MTOR: variants seen among roughly 807,000 people sequenced by gnomAD.
MTOR encodes mechanistic target of rapamycin kinase.
Under a neutral mutation model 319.8 loss-of-function variants are expected in MTOR, and 70 were observed. The ratio of observed to expected loss-of-function variants is 0.22; its 90% CI spans 0.18 to 0.27. The LOEUF (loss-of-function observed/expected upper bound fraction) is 0.27, where lower values mean the gene tolerates loss of function less well. Among genes scored for constraint, MTOR ranks in the 10% least tolerant of loss-of-function variants. The pLI, the probability that MTOR is intolerant of heterozygous loss-of-function variation, is 1.00. For synonymous variants in MTOR, 1,183 were observed against 1,211.4 expected, an observed-to-expected ratio of 0.98 and a Z score of 0.49; for missense variants, 1,890 against 3,274.4, an observed-to-expected ratio of 0.58 and a Z score of 10.32.
intron 28 of MTOR, among the ~76,000 whole-genome samples, chr1:11,177,375 T>A (rs192170956): frequency 5.3e-5 from 8 of 151,814 alleles, no homozygotes; most frequent in Non-Finnish European, 1.0e-4. Context: ...CTGAGCAACA[T>A]AGCAAGACTT....
intron 18 of MTOR, among the ~76,000 whole-genome samples, chr1:11,230,096 G>A (rs1646967900): frequency 6.7e-6 from 1 of 148,858 alleles, no homozygotes; most frequent in Non-Finnish European, 1.5e-5. Context: ...CCCTCCCTGA[G>A]TCAATTAAAA....
intron 29 of MTOR, among the ~76,000 whole-genome samples, chr1:11,161,734 G>C (rs1186165162): frequency 6.6e-6 from 1 of 152,216 alleles, no homozygotes; most frequent in Non-Finnish European, 1.5e-5. Flanking sequence ...CTGACTGTTA[G>C]AAGTAAAACT....
intron 19 of MTOR, among the ~76,000 whole-genome samples, chr1:11,225,958 T>C (rs188269025): frequency 1.0e-3 from 159 of 152,218 alleles, no homozygotes; most frequent in Non-Finnish European, 1.9e-3. Flanking sequence ...TTTGAGCCCA[T>C]AGTTAAGAAA....
At chr1:11,107,704 G>A (rs1249678533) in intron 57 of MTOR, among the ~76,000 whole-genome samples, 6 of 151,982 alleles carry the variant, frequency 3.9e-5, no homozygotes, top group Non-Finnish European at 8.8e-5. Flanking sequence ...CTTCCCCAGC[G>A]CCCGCTCTCT....
In MTOR at chr1:11,160,484, A is replaced by G. The variant is rs540155286; in HGVS notation, c.4330-3193T>C. ...TTAACTGTGGCCTAGACACAATGCA[A>G]GCTCCCACAAAGATAACTCAGATCA... On this transcript the variant is annotated intron_variant, in intron 29 of 57. Coordinates refer to ENST00000361445, the MANE Select transcript of MTOR (RefSeq NM_004958.4). Among the ~76,000 whole-genome samples the G allele has an allele frequency of 4.6e-5, 7 of 152,250 alleles. No homozygotes were observed. In the East Asian group the frequency reaches 1.4e-3, roughly 29 times the overall value.
At chr1:11,237,459 A>G (rs1440029882) in intron 13 of MTOR, among the ~76,000 whole-genome samples, 1 of 152,204 alleles carries the variant, frequency 6.6e-6, no homozygotes, top group East Asian at 1.9e-4. Flanking sequence ...TCCGTGCTTG[A>G]CCTGGCACCA....
chr1:11,257,598 G>A (rs1288447932), intron 3 of MTOR, among the ~76,000 whole-genome samples: 7 of 149,760 alleles, frequency 4.7e-5, no homozygotes, highest in South Asian at 2.1e-4. Flanking sequence ...AAAATCTGGC[G>A]AGTGAACCCT....
chr1:11,196,103 G>A (rs1645773856), intron 28 of MTOR: 1 of 152,250 alleles, frequency 6.6e-6, no homozygotes, highest in African/African-American at 2.4e-5. Context: ...CAACCAAGCG[G>A]GGAGCAGAAG....
intron 46 of MTOR, among the ~76,000 whole-genome samples, chr1:11,125,044 A>G (rs1259138320): frequency 6.6e-6 from 1 of 152,074 alleles, no homozygotes; most frequent in Non-Finnish European, 1.5e-5. Context: ...AGGTCAGGGT[A>G]TGTGTCCCCC....
chr1:11,183,594 CT>C (rs914914482), intron 28 of MTOR, among the ~76,000 whole-genome samples: 2 of 152,150 alleles, frequency 1.3e-5, no homozygotes, highest in Non-Finnish European at 2.9e-5. Flanking sequence ...AGAATGACTA[CT>C]TTTGTTGCAT....
chr1:11,134,490 G>C (rs1180946846), intron 36 of MTOR, 24 bp from the exon 37 acceptor site: 3 of 1,608,952 alleles, frequency 1.9e-6, no homozygotes, highest in Non-Finnish European at 1.7e-6. Context: ...AAGGCACAGA[G>C]AGCCACTTGG....
At position 11,213,385 on chromosome 1, in the gene MTOR, C is replaced by T. The variant is rs754646814; in HGVS notation, c.3285+14G>A. On this transcript the variant is annotated intron_variant, in intron 21 of 57. Transcript: ENST00000361445. Reference sequence around the variant, plus strand: ...ATCAGAAAATCTCTCTGGAGGATGACGTAGGCTACTCACCTTGATAGAGAC... The same window carrying T: ...ATCAGAAAATCTCTCTGGAGGATGATGTAGGCTACTCACCTTGATAGAGAC... 7.7e-5 allele frequency: 123 copies of T among 1,607,420 alleles called. No homozygotes were observed. The East Asian group carries it at 2.2e-3, about 29-fold the overall frequency.
intron 47 of MTOR, among the ~76,000 whole-genome samples, chr1:11,122,952 A>G (rs1642621354): frequency 6.6e-6 from 1 of 152,214 alleles, no homozygotes; most frequent in Admixed American, 6.5e-5. Flanking sequence ...AACCTGCCCA[A>G]GAAACTCATG....
At chr1:11,118,944 T>C (rs373146586) in intron 49 of MTOR, among the ~76,000 whole-genome samples, 3 of 152,032 alleles carry the variant, frequency 2.0e-5, no homozygotes, top group African/African-American at 7.2e-5. Flanking sequence ...GTGGTCTTAA[T>C]GTGCAACAGC....
intron 28 of MTOR, among the ~76,000 whole-genome samples, chr1:11,173,348 T>C (rs1375415514): frequency 2.6e-5 from 4 of 152,074 alleles, no homozygotes; most frequent in African/African-American, 4.8e-5. Context: ...TGGGGTGCAA[T>C]GGTGCGATCT....
intron 6 of MTOR, among the ~76,000 whole-genome samples, chr1:11,250,169 G>A (rs1481411988): frequency 2.9e-5 from 4 of 136,528 alleles, no homozygotes; most frequent in African/African-American, 8.1e-5. Flanking sequence ...CTGGCCGGGC[G>A]GGGGGCTGAC....
At chr1:11,117,490 T>A (rs968298842) in intron 49 of MTOR, among the ~76,000 whole-genome samples, 2 of 152,166 alleles carry the variant, frequency 1.3e-5, no homozygotes, top group Non-Finnish European at 2.9e-5. Flanking sequence ...AGTCCATCAA[T>A]AACTGGTTAG....
rs565680823 is a variant in MTOR, at chr1:11,165,109, GAGAT to G, written c.4329+2329_4329+2332del. Among the ~76,000 whole-genome samples the G allele has an allele frequency of 3.4e-4, 51 of 152,180 alleles. No homozygotes were observed. In the East Asian group the frequency reaches 9.5e-3, roughly 28 times the overall value. On this transcript the variant is annotated intron_variant, in intron 29 of 57. Transcript: ENST00000361445. ...GATGGGGCGTATCTCAAAATAATAA[GAGAT>G]ATTTATGACAAACCCACAGCCAATA... is the stretch of plus-strand genomic sequence containing the variant.
At chr1:11,122,295 C>G (rs1642574535) in intron 47 of MTOR, among the ~76,000 whole-genome samples, 169 bp from the exon 48 acceptor site, 1 of 152,040 alleles carries the variant, frequency 6.6e-6, no homozygotes, top group African/African-American at 2.4e-5. Flanking sequence ...CCTCTGCCTC[C>G]TGGGTTCAAG....
Sources: gnomAD v4.1 joint callset for allele counts (sites outside exome capture counted in the v4.1 genomes callset) on GRCh38, gnomAD v4.1.1 for gene constraint, MANE v1.5 for transcripts, NCBI Gene and HGNC (gene_info 2026-07-23, HGNC 2026-07-21) for gene names.